Variants in ROBO2 observed in about 807,000 individuals in gnomAD.
ROBO2 encodes the protein roundabout guidance receptor 2.
A neutral mutation model predicts 160.8 loss-of-function variants in ROBO2; 53 were observed. The ratio of observed to expected loss-of-function variants is 0.33; its 90% CI spans 0.26 to 0.41. The LOEUF (loss-of-function observed/expected upper bound fraction) is 0.41, where lower values mean the gene tolerates loss of function less well. Ranked by LOEUF, ROBO2 falls within the 10% of genes least tolerant of loss-of-function variation. ROBO2 has a pLI of 1.00. For synonymous variants in ROBO2, 664 were observed against 611.7 expected, an observed-to-expected ratio of 1.09 and a Z score of -1.26; for missense variants, 1,577 against 1,722.4, an observed-to-expected ratio of 0.92 and a Z score of 1.49.
At chr3:77,055,002 C>G (rs1244518930) in intron 1 of ROBO2, among the ~76,000 whole-genome samples, 2 of 150,374 alleles carry the variant, frequency 1.3e-5, no homozygotes, top group East Asian at 4.0e-4. Flanking sequence ...TTAGAGCCCT[C>G]ATAATAAAGT....
chr3:76,010,607 G>C (rs532634722), intron 2 of ROBO2, among the ~76,000 whole-genome samples: 1 of 152,348 alleles, frequency 6.6e-6, no homozygotes, highest in East Asian at 1.9e-4. Flanking sequence ...CCACCTGCCT[G>C]ATTTACTGTT....
At chr3:76,141,062 T>TAC (rs200440083) in intron 2 of ROBO2, among the ~76,000 whole-genome samples, 4,542 of 107,102 alleles carry the variant, frequency 0.042, 489 homozygotes, top group East Asian at 0.12. Context: ...TTTACATACA[T>TAC]ATATATATAT....
chr3:77,543,428 T>C (rs1297614574), intron 6 of ROBO2, among the ~76,000 whole-genome samples: 2 of 152,198 alleles, frequency 1.3e-5, no homozygotes, highest in African/African-American at 2.4e-5. Context: ...GAAAAGTGGA[T>C]GCATAGATGC....
At chr3:77,647,704 T>A (rs1583501813) in exon 26 of ROBO2, 3 of 152,180 alleles carry the variant, frequency 2.0e-5, no homozygotes, top group African/African-American at 7.2e-5. Flanking sequence ...TACACAATCT[T>A]AAATTTTATT....
At chr3:76,822,341 A>G (rs555017391) in intron 2 of ROBO2, among the ~76,000 whole-genome samples, 85 of 152,144 alleles carry the variant, frequency 5.6e-4, no homozygotes, top group Middle Eastern at 3.4e-3. Context: ...TTAATTACCA[A>G]TAAAAGTTAA....
At chr3:76,545,264 G>A (rs866936138) in intron 2 of ROBO2, among the ~76,000 whole-genome samples, 38 of 151,912 alleles carry the variant, frequency 2.5e-4, no homozygotes, top group African/African-American at 8.9e-4. Context: ...TCATTGAGAA[G>A]TAAAGTGAAA....
chr3:76,134,268 C>CT (rs148899699), intron 2 of ROBO2, among the ~76,000 whole-genome samples: 20,676 of 151,228 alleles, frequency 0.14, 2,218 homozygotes, highest in East Asian at 0.5. Context: ...AGTGAAGATA[C>CT]TTTTTTTTTC....
At chr3:77,649,723 TAA>T (rs537397580) in exon 26 of ROBO2, 3 of 152,302 alleles carry the variant, frequency 2.0e-5, no homozygotes, top group Non-Finnish European at 4.4e-5. Flanking sequence ...GTTGTGATTT[TAA>T]AGTGTTGCAA....
intron 2 of ROBO2, among the ~76,000 whole-genome samples, chr3:77,470,486 T>C (rs772997301): frequency 1.7e-4 from 26 of 152,304 alleles, no homozygotes; most frequent in African/African-American, 6.0e-4. Context: ...GTTGAAACCC[T>C]GTGCTTACCT....
At chr3:77,571,067 C>G (rs1416230502) in intron 13 of ROBO2, among the ~76,000 whole-genome samples, 3 of 151,976 alleles carry the variant, frequency 2.0e-5, no homozygotes, top group Non-Finnish European at 4.4e-5. Context: ...AATGATTATT[C>G]TAGCTTTACT....
At chr3:76,218,176 G>C (rs1484975715) in intron 2 of ROBO2, among the ~76,000 whole-genome samples, 1 of 152,122 alleles carries the variant, frequency 6.6e-6, no homozygotes, top group African/African-American at 2.4e-5. Flanking sequence ...AATAACAAGA[G>C]CTATCTATTG....
chr3:76,620,701 C>T (rs946496483), intron 2 of ROBO2, among the ~76,000 whole-genome samples: 1 of 152,048 alleles, frequency 6.6e-6, no homozygotes. Flanking sequence ...TATTTCTATA[C>T]ATTATGGCCA....
At chr3:76,016,681 A>C (rs1245674091) in intron 2 of ROBO2, among the ~76,000 whole-genome samples, 1 of 152,176 alleles carries the variant, frequency 6.6e-6, no homozygotes, top group Non-Finnish European at 1.5e-5. Context: ...CAAAATCTTC[A>C]TGCCGTGGGC....
At chr3:77,164,685 C>T (rs1172972522) in intron 2 of ROBO2, among the ~76,000 whole-genome samples, 2 of 113,196 alleles carry the variant, frequency 1.8e-5, no homozygotes, top group African/African-American at 3.4e-5. Context: ...CCCCGCCTGG[C>T]CAGCCGTGCT....
At chr3:76,586,807 AAGG>A (rs1168975175) in intron 2 of ROBO2, among the ~76,000 whole-genome samples, 1 of 152,214 alleles carries the variant, frequency 6.6e-6, no homozygotes, top group Admixed American at 6.5e-5. Context: ...CTAATTAAAA[AAGG>A]AGTACTGATC....
chr3:77,386,603 A>ATTTTTTTTTTTTTTT lies in ROBO2; in HGVS notation c.389-90808_389-90794dup, dbSNP rs71104679. Among the ~76,000 whole-genome samples, 27 of 91,890 alleles carry ATTTTTTTTTTTTTTT rather than the reference A, an allele frequency of 2.9e-4. 3 individuals carry two copies. Among genetic ancestry groups the ATTTTTTTTTTTTTTT allele is most frequent in the African/African-American group, 8.5e-4 (23 of 27,150 alleles). The allele number at this position is 91,890 out of a possible 152,430, so 60.3% of individuals were successfully genotyped here. ...AGTTAATTATTTTTTCAGCCAGGTA[A>ATTTTTTTTTTTTTTT]TTTTTTTTTTTTTTTTTGAAATAGA... is the stretch of plus-strand genomic sequence containing the variant. On this transcript the variant is annotated intron_variant, in intron 2 of 25. Coordinates refer to ENST00000461745, the Ensembl canonical transcript of ROBO2.
Position 77,463,862 on chromosome 3 carries a change from C to T in ROBO2, c.389-13552C>T, listed in dbSNP as rs115309722. On this transcript the variant is annotated intron_variant, in intron 2 of 25. Coordinates refer to ENST00000461745, the Ensembl canonical transcript of ROBO2. ...CCTGTCAAAGTGCTGGGATTATAGG[C>T]GTCAGCCACCATGCCTGTCCTCTTG... is the stretch of plus-strand genomic sequence containing the variant. Among the ~76,000 whole-genome samples, 813 of 152,172 alleles carry T rather than the reference C, an allele frequency of 5.3e-3. 6 individuals carry two copies. Among genetic ancestry groups the T allele is most frequent in the African/African-American group, 0.017 (691 of 41,498 alleles).
At chr3:75,977,726 G>C (rs1348968908) in intron 2 of ROBO2, among the ~76,000 whole-genome samples, 1 of 151,546 alleles carries the variant, frequency 6.6e-6, no homozygotes, top group East Asian at 2.0e-4. Flanking sequence ...CATATACTTT[G>C]TACTCTTCTC....
At chr3:76,392,598 G>T (rs1317016718) in intron 2 of ROBO2, among the ~76,000 whole-genome samples, 1 of 152,092 alleles carries the variant, frequency 6.6e-6, no homozygotes, top group African/African-American at 2.4e-5. Context: ...CAAAATGATG[G>T]CTTTCCACTT....
Sources: allele counts gnomAD v4.1 joint callset (sites outside exome capture counted in the v4.1 genomes callset), GRCh38; gene constraint gnomAD v4.1.1; transcripts MANE v1.5; gene names NCBI Gene and HGNC (gene_info 2026-07-23, HGNC 2026-07-21).